Variants in CALHM4 observed in about 807,000 individuals in gnomAD.
CALHM4 encodes the protein calcium homeostasis modulator protein 4.
Under a neutral mutation model 13.3 loss-of-function variants are expected in CALHM4, and 16 were observed. That is an observed-to-expected ratio of 1.20 (90% CI 0.81 to 1.82). The LOEUF is 1.82. CALHM4 is among the 40% of genes most tolerant of loss of function. CALHM4 has a pLI of 0.00. For missense variants in CALHM4, 344 were observed against 374.9 expected, an observed-to-expected ratio of 0.92 and a Z score of 0.68; for synonymous variants, 127 against 137.1, an observed-to-expected ratio of 0.93 and a Z score of 0.52.
At chr6:116,546,060 C>T (rs538499013) in intron 2 of CALHM4, among the ~76,000 whole-genome samples, 138 of 152,316 alleles carry the variant, frequency 9.1e-4, no homozygotes, top group African/African-American at 3.2e-3. Context: ...ATCACACTGT[C>T]CCCAAAACCA....
At chr6:116,545,122 C>CATATATATACATATACATATACATAT (rs1396395691) in intron 2 of CALHM4, among the ~76,000 whole-genome samples, 1 of 150,130 alleles carries the variant, frequency 6.7e-6, no homozygotes. Flanking sequence ...TATATACATA[C>CATATATATACATATACATATACATAT]ATACATATAT....
intron 1 of CALHM4, chr6:116,540,454 C>T (rs1384262858): frequency 6.4e-7 from 1 of 1,551,182 alleles, no homozygotes; most frequent in African/African-American, 1.4e-5. Context: ...CGTTCCAATG[C>T]CGTAACCCCT....
At chr6:116,533,280 G>A (rs1162594300) in intron 1 of CALHM4, among the ~76,000 whole-genome samples, 2 of 152,212 alleles carry the variant, frequency 1.3e-5, no homozygotes, top group Non-Finnish European at 2.9e-5. Flanking sequence ...GAAGAAATTT[G>A]TAGGAAAAAA....
intron 1 of CALHM4, among the ~76,000 whole-genome samples, chr6:116,533,727 A>G (rs1450542601): frequency 6.6e-6 from 1 of 152,224 alleles, no homozygotes; most frequent in Non-Finnish European, 1.5e-5. Context: ...AAGGTGCTGC[A>G]GGGACACTGC....
At chr6:116,542,646 C>A (rs550188665) in intron 1 of CALHM4, among the ~76,000 whole-genome samples, 1 of 152,132 alleles carries the variant, frequency 6.6e-6, no homozygotes, top group East Asian at 1.9e-4. Context: ...CAGAGAAAAT[C>A]AAAAGGTGGA....
chr6:116,544,740 G>T (rs1193238039), intron 2 of CALHM4, among the ~76,000 whole-genome samples: 1 of 152,066 alleles, frequency 6.6e-6, no homozygotes, highest in Admixed American at 6.6e-5. Flanking sequence ...GGAGGTATCT[G>T]CAGGCATTTC....
At chr6:116,536,495 C>T (rs1344993637) in intron 1 of CALHM4, among the ~76,000 whole-genome samples, 1 of 152,172 alleles carries the variant, frequency 6.6e-6, no homozygotes, top group Non-Finnish European at 1.5e-5. Context: ...GTGCTGAGTG[C>T]AGTGTAAGTT....
At chr6:116,552,053 C>A (rs777006551), upstream of CALHM4, among the ~76,000 whole-genome samples, 1 of 152,104 alleles carries the variant, frequency 6.6e-6, no homozygotes, top group African/African-American at 2.4e-5. Context: ...TTCCTTGGGG[C>A]TCATTTTCCT....
chr6:116,529,905 G>A (rs1054959484), intron 1 of CALHM4, among the ~76,000 whole-genome samples: 1 of 152,142 alleles, frequency 6.6e-6, no homozygotes, highest in Non-Finnish European at 1.5e-5. Context: ...GCGGAAGAGG[G>A]TTGAGGAATG....
intron 1 of CALHM4, among the ~76,000 whole-genome samples, chr6:116,535,208 G>T (rs1220420477): frequency 6.6e-6 from 1 of 152,222 alleles, no homozygotes; most frequent in Non-Finnish European, 1.5e-5. Flanking sequence ...AAATTCAGAA[G>T]AATGACAGCT....
intron 1 of CALHM4, among the ~76,000 whole-genome samples, chr6:116,554,641 A>C (rs1232944322): frequency 6.6e-6 from 1 of 152,172 alleles, no homozygotes; most frequent in Non-Finnish European, 1.5e-5. Context: ...TGGGGAATAC[A>C]TTACCAATAT....
chr6:116,530,497 G>T (rs12663689), intron 1 of CALHM4, among the ~76,000 whole-genome samples: 10,680 of 152,154 alleles, frequency 0.07, 439 homozygotes, highest in Admixed American at 0.14. Flanking sequence ...GAAGTTCAAA[G>T]GGAAACCTAA....
chr6:116,541,813 G>A (rs151175561), intron 1 of CALHM4, among the ~76,000 whole-genome samples: 1 of 152,044 alleles, frequency 6.6e-6, no homozygotes, highest in African/African-American at 2.4e-5. Flanking sequence ...GTTATGAGCT[G>A]TGCTATATCT....
chr6:116,547,366 A>G (rs1562359195), intron 2 of CALHM4, among the ~76,000 whole-genome samples: 1 of 152,188 alleles, frequency 6.6e-6, no homozygotes, highest in Non-Finnish European at 1.5e-5. Context: ...CATTATGGCC[A>G]TCGGGAGAAT....
intron 2 of CALHM4, among the ~76,000 whole-genome samples, chr6:116,547,987 T>C (rs796082521): frequency 2.0e-5 from 3 of 152,292 alleles, no homozygotes; most frequent in African/African-American, 7.2e-5. Flanking sequence ...TAATAGAGGA[T>C]GACATCCGCT....
rs1186793029 is a variant in CALHM4 at position 116,559,984 on chromosome 6, ACT to A, written c.*1776_*1777del. Among the ~76,000 whole-genome samples the A allele has an allele frequency of 6.6e-6, 1 of 152,112 alleles. No homozygotes were observed. Among genetic ancestry groups the A allele is most frequent in the East Asian group, 1.9e-4 (1 of 5,194 alleles). Reference sequence around the variant, plus strand: ...GAAAGCCATTCCAGTTTGTCTACTAACTCTACACTCAGTACTGATATGACATT... The same window carrying A: ...GAAAGCCATTCCAGTTTGTCTACTAACTACACTCAGTACTGATATGACATT... On this transcript the variant is annotated 3_prime_UTR_variant, in exon 2 of 2. Coordinates refer to ENST00000368596, the MANE Select transcript of CALHM4 (RefSeq NM_001366078.2).
At chr6:116,545,335 A>G in intron 2 of CALHM4, 1 of 612,430 alleles carries the variant, frequency 1.6e-6, no homozygotes, top group Non-Finnish European at 2.8e-6. Context: ...TAGATGTGTC[A>G]TTTATGATTC....
upstream of CALHM4, chr6:116,553,650 A>G: frequency 1.3e-6 from 1 of 751,148 alleles, no homozygotes; most frequent in South Asian, 2.0e-5. Flanking sequence ...ACAAGGAAAG[A>G]TGCTAGAATC....
chr6:116,549,981 TATATATATATATATA>T (rs1562360871), upstream of CALHM4, among the ~76,000 whole-genome samples: 1 of 42,686 alleles, frequency 2.3e-5, no homozygotes, highest in African/African-American at 8.8e-5. Flanking sequence ...CATCTTAAAT[TATATATATATATATA>T]TATATATATA....
Sources: gnomAD v4.1 joint callset for allele counts (sites outside exome capture counted in the v4.1 genomes callset) on GRCh38, gnomAD v4.1.1 for gene constraint, MANE v1.5 for transcripts, NCBI Gene and HGNC (gene_info 2026-07-23, HGNC 2026-07-21) for gene names.